TRMT11: variants seen among roughly 807,000 people sequenced by gnomAD.
TRMT11 encodes tRNA methyltransferase 11.
In TRMT11, 53 loss-of-function variants were observed where a neutral mutation model predicts 62.8. That is an observed-to-expected ratio of 0.84 (90% CI 0.68 to 1.06). The LOEUF is 1.06. Among genes scored for constraint, TRMT11 ranks in the 50% least tolerant of loss-of-function variants. TRMT11 has a pLI of 0.00. For missense variants in TRMT11, 556 were observed against 553.4 expected, an observed-to-expected ratio of 1.00 and a Z score of -0.05; for synonymous variants, 188 against 190.3, an observed-to-expected ratio of 0.99 and a Z score of 0.10.
intron 21 of TRMT11, among the ~76,000 whole-genome samples, chr6:126,152,228 A>G (rs1223807609): frequency 6.6e-6 from 1 of 151,332 alleles, no homozygotes; most frequent in Non-Finnish European, 1.5e-5. Flanking sequence ...AGGTTGTGGC[A>G]TGCTAGTTCA....
upstream of TRMT11, among the ~76,000 whole-genome samples, chr6:126,172,517 A>G (rs1778341807): frequency 6.6e-6 from 1 of 152,270 alleles, no homozygotes; most frequent in African/African-American, 2.4e-5. Flanking sequence ...AATCACATAA[A>G]GCCTCAACAA....
At chr6:126,243,177 T>G in the TRMT11 span, among the ~76,000 whole-genome samples, 8 of 152,074 alleles carry the variant, frequency 5.3e-5, no homozygotes, top group East Asian at 1.5e-3. Flanking sequence ...AAAAGACACA[T>G]GAAAAAATGC....
intron 21 of TRMT11, among the ~76,000 whole-genome samples, chr6:126,163,411 T>C: frequency 6.6e-6 from 1 of 152,194 alleles, no homozygotes; most frequent in East Asian, 1.9e-4. Context: ...GCCGACTTGA[T>C]CATGGTGGAT....
At chr6:126,172,647 G>T (rs1053406228), upstream of TRMT11, among the ~76,000 whole-genome samples, 14 of 151,982 alleles carry the variant, frequency 9.2e-5, no homozygotes, top group Admixed American at 9.2e-4. Flanking sequence ...GTGACTTTGT[G>T]TCCCATCCGT....
chr6:126,081,923 T>A (rs1260022322), intron 17 of TRMT11, among the ~76,000 whole-genome samples: 1 of 152,222 alleles, frequency 6.6e-6, no homozygotes, highest in Admixed American at 6.5e-5. Context: ...GTTTTGGAAC[T>A]AATCTGTGCT....
At chr6:126,143,344 T>A (rs1361849788) in intron 21 of TRMT11, among the ~76,000 whole-genome samples, 1 of 152,078 alleles carries the variant, frequency 6.6e-6, no homozygotes, top group Non-Finnish European at 1.5e-5. Flanking sequence ...GAGTTTTATT[T>A]TGAATGAAGA....
At chr6:126,071,312 A>G (rs1291730463) in intron 17 of TRMT11, among the ~76,000 whole-genome samples, 1 of 151,872 alleles carries the variant, frequency 6.6e-6, no homozygotes, top group Non-Finnish European at 1.5e-5. Context: ...TTTAATCATA[A>G]ACCACTTGGG....
the TRMT11 span, among the ~76,000 whole-genome samples, chr6:126,250,847 C>T: frequency 1.3e-5 from 2 of 152,006 alleles, no homozygotes; most frequent in Non-Finnish European, 2.9e-5. Flanking sequence ...AAGCTTTGGT[C>T]GTTAGCCGTT....
intron 21 of TRMT11, among the ~76,000 whole-genome samples, chr6:126,161,648 A>T (rs1778192169): frequency 6.6e-6 from 1 of 152,150 alleles, no homozygotes. Context: ...ATCCTTGAGG[A>T]ATTGCCACTC....
At chr6:126,000,779 T>C (rs1583659793) in intron 7 of TRMT11, among the ~76,000 whole-genome samples, 1 of 152,152 alleles carries the variant, frequency 6.6e-6, no homozygotes, top group Non-Finnish European at 1.5e-5. Context: ...CTGGTGAGTC[T>C]TTCTTCTCTG....
At chr6:126,156,541 A>C (rs1778123919) in intron 21 of TRMT11, among the ~76,000 whole-genome samples, 2 of 152,242 alleles carry the variant, frequency 1.3e-5, no homozygotes, top group Non-Finnish European at 2.9e-5. Context: ...GTATTAGTAC[A>C]TTCTTGTGTT....
At chr6:126,007,526 T>A (rs1264346659) in intron 7 of TRMT11, among the ~76,000 whole-genome samples, 4 of 151,992 alleles carry the variant, frequency 2.6e-5, no homozygotes, top group Non-Finnish European at 5.9e-5. Flanking sequence ...TTAATTTGAA[T>A]GATTAAAAAA....
At chr6:126,227,687 T>C in the TRMT11 span, among the ~76,000 whole-genome samples, 1 of 152,226 alleles carries the variant, frequency 6.6e-6, no homozygotes, top group Non-Finnish European at 1.5e-5. Flanking sequence ...TATACTGCTA[T>C]CCCTTCCTCG....
chr6:126,019,642 G>A (rs368597455), intron 11 of TRMT11, among the ~76,000 whole-genome samples: 3 of 152,052 alleles, frequency 2.0e-5, no homozygotes, highest in Non-Finnish European at 4.4e-5. Context: ...TAGATCCTAC[G>A]GTTTGCAAGC....
At chr6:126,127,502 T>G (rs1191523088) in intron 21 of TRMT11, among the ~76,000 whole-genome samples, 1 of 152,116 alleles carries the variant, frequency 6.6e-6, no homozygotes, top group African/African-American at 2.4e-5. Context: ...TTTTTAATTA[T>G]ACTTTAAGTT....
At chr6:126,195,311 G>T (rs7773545) in intron 1 of TRMT11, among the ~76,000 whole-genome samples, 14,038 of 152,088 alleles carry the variant, frequency 0.092, 2,158 homozygotes, top group African/African-American at 0.32. Context: ...TAAATGAGTC[G>T]TAAGCAATAT....
intron 17 of TRMT11, among the ~76,000 whole-genome samples, chr6:126,060,709 T>C (rs969460878): frequency 1.3e-5 from 2 of 152,180 alleles, no homozygotes; most frequent in Non-Finnish European, 2.9e-5. Flanking sequence ...AGTTTCAAAG[T>C]TTCTTCTTTT....
the TRMT11 span, among the ~76,000 whole-genome samples, chr6:126,233,090 G>A: frequency 1.7e-4 from 26 of 152,210 alleles, no homozygotes; most frequent in African/African-American, 4.6e-4. Context: ...TTAATAGAAC[G>A]TACGTTTTGA....
intron 17 of TRMT11, among the ~76,000 whole-genome samples, chr6:126,079,234 T>A (rs1391157941): frequency 6.6e-6 from 1 of 152,194 alleles, no homozygotes; most frequent in African/African-American, 2.4e-5. Context: ...ACTGAAGTTA[T>A]AAGTTTATAT....
Sources: gnomAD v4.1 joint callset for allele counts (sites outside exome capture counted in the v4.1 genomes callset) on GRCh38, gnomAD v4.1.1 for gene constraint, MANE v1.5 for transcripts, NCBI Gene and HGNC (gene_info 2026-07-23, HGNC 2026-07-21) for gene names.